Variants in CLEC16A observed in about 807,000 individuals in gnomAD.
The protein encoded by CLEC16A is C-type lectin domain containing 16A.
In CLEC16A, 51 loss-of-function variants were observed where a neutral mutation model predicts 109.5. The observed-to-expected ratio is 0.47, with a 90% confidence interval of 0.37 to 0.59. The LOEUF is 0.59. Ranked by LOEUF, CLEC16A falls within the 20% of genes least tolerant of loss-of-function variation. CLEC16A has a pLI of 0.00. For synonymous variants in CLEC16A, 673 were observed against 564.2 expected (o/e 1.19, Z -2.73); for missense variants, 1,339 against 1,394.0 (o/e 0.96, Z 0.63).
intron 3 of CLEC16A, among the ~76,000 whole-genome samples, chr16:10,964,185 C>T (rs567627809): frequency 2.0e-5 from 3 of 152,314 alleles, no homozygotes; most frequent in Admixed American, 6.5e-5. Flanking sequence ...TGATGGCTCT[C>T]GCAGCCGCCG....
intron 3 of CLEC16A, among the ~76,000 whole-genome samples, chr16:10,967,430 C>T (rs2146258451): frequency 6.6e-6 from 1 of 152,316 alleles, no homozygotes; most frequent in Non-Finnish European, 1.5e-5. Context: ...AGACAGGTCT[C>T]ACCCTGTCGC....
intron 19 of CLEC16A, among the ~76,000 whole-genome samples, chr16:11,114,626 C>G (rs989252494): frequency 3.3e-5 from 5 of 152,178 alleles, no homozygotes; most frequent in Non-Finnish European, 5.9e-5. Context: ...TTCAGCATTT[C>G]TCTCCTGGAT....
At chr16:11,105,846 C>T (rs2051187890) in intron 19 of CLEC16A, among the ~76,000 whole-genome samples, 1 of 152,210 alleles carries the variant, frequency 6.6e-6, no homozygotes, top group Admixed American at 6.5e-5. Context: ...ACAGATTTAT[C>T]CACCTCTATC....
chr16:11,079,355 T>G (rs1355609918), intron 19 of CLEC16A, among the ~76,000 whole-genome samples: 2 of 152,216 alleles, frequency 1.3e-5, no homozygotes, highest in African/African-American at 4.8e-5. Flanking sequence ...TCAGAAGTTG[T>G]TGGGGCTGAG....
At chr16:10,968,778 G>C (rs1254056139) in intron 3 of CLEC16A, among the ~76,000 whole-genome samples, 1 of 152,174 alleles carries the variant, frequency 6.6e-6, no homozygotes, top group African/African-American at 2.4e-5. Context: ...TGTGATTTGT[G>C]ATGGCAGAAG....
At chr16:11,164,381 A>G (rs2054830106) in intron 22 of CLEC16A, among the ~76,000 whole-genome samples, 1 of 152,228 alleles carries the variant, frequency 6.6e-6, no homozygotes, top group African/African-American at 2.4e-5. Context: ...AAACAGCTTC[A>G]CATGAACCTG....
chr16:10,952,451 G>A (rs536254825), intron 1 of CLEC16A, among the ~76,000 whole-genome samples: 2 of 152,314 alleles, frequency 1.3e-5, no homozygotes, highest in African/African-American at 2.4e-5. Context: ...CCAAGATCAC[G>A]CCACTGCACT....
intron 13 of CLEC16A, chr16:11,027,599 T>C: frequency 6.4e-7 from 1 of 1,558,994 alleles, no homozygotes; most frequent in African/African-American, 1.3e-5. Context: ...TTCATGAAAT[T>C]GCATTCCCAG....
intron 11 of CLEC16A, among the ~76,000 whole-genome samples, chr16:11,019,200 G>A (rs186516370): frequency 4.7e-4 from 72 of 152,282 alleles, no homozygotes; most frequent in African/African-American, 1.7e-3. Context: ...AAGGCTGACT[G>A]TTTGAAAGTC....
chr16:11,141,222 A>C (rs1389297918), intron 22 of CLEC16A, among the ~76,000 whole-genome samples: 1 of 152,254 alleles, frequency 6.6e-6, no homozygotes, highest in South Asian at 2.1e-4. Flanking sequence ...TATGGACAGC[A>C]CCAGGCAGGT....
intron 21 of CLEC16A, 73 bp from the exon 22 acceptor site, chr16:11,125,904 TCC>T (rs3214361): frequency 2.2e-5 from 4 of 182,890 alleles, no homozygotes; most frequent in South Asian, 9.3e-5. Flanking sequence ...CACTACGATG[TCC>T]CCCCCCCCAA....
intron 19 of CLEC16A, among the ~76,000 whole-genome samples, chr16:11,116,627 C>T (rs1322751079): frequency 1.3e-5 from 2 of 151,988 alleles, no homozygotes; most frequent in Admixed American, 6.6e-5. Context: ...TGGGGGTTAC[C>T]CGAGAAAGGA....
At chr16:11,119,902 GT>G (rs1214696767) in intron 19 of CLEC16A, among the ~76,000 whole-genome samples, 5 of 152,226 alleles carry the variant, frequency 3.3e-5, no homozygotes, top group Middle Eastern at 3.4e-3. Context: ...TTCTCCATTT[GT>G]TTGTGTCATC....
At chr16:11,064,433 A>C (rs887443372) in intron 19 of CLEC16A, among the ~76,000 whole-genome samples, 1 of 152,208 alleles carries the variant, frequency 6.6e-6, no homozygotes, top group Non-Finnish European at 1.5e-5. Context: ...TCATCTTTGT[A>C]ATCTTCCCCA....
At chr16:11,172,904 A>G (rs559771863) in intron 23 of CLEC16A, among the ~76,000 whole-genome samples, 25 of 152,200 alleles carry the variant, frequency 1.6e-4, no homozygotes, top group Admixed American at 1.4e-3. Context: ...AAACAAACAA[A>G]CAAAACCACA....
intron 10 of CLEC16A, among the ~76,000 whole-genome samples, chr16:10,987,315 T>C (rs1440042234): frequency 6.6e-6 from 1 of 152,222 alleles, no homozygotes; most frequent in African/African-American, 2.4e-5. Context: ...TTGACAGTGA[T>C]ACATAGGATT....
intron 16 of CLEC16A, among the ~76,000 whole-genome samples, chr16:11,044,737 C>T (rs1318803171): frequency 6.6e-6 from 1 of 151,848 alleles, no homozygotes; most frequent in East Asian, 1.9e-4. Context: ...TTAAGACCAG[C>T]CTGACCAACA....
chr16:10,957,905 AT>A lies in CLEC16A; in HGVS notation c.207del (p.Phe69LeufsTer14), dbSNP rs1335148439. 2 of 1,613,582 alleles carry A rather than the reference AT, an allele frequency of 1.2e-6. No homozygotes were observed. Among genetic ancestry groups the A allele is most frequent in the African/African-American group, 2.7e-5 (2 of 74,888 alleles). On this transcript the variant is annotated frameshift_variant, in exon 2 of 24. Transcript: ENST00000409790. LOFTEE classifies it high-confidence loss of function. ...GGGGAGATCAAAATGACAGCTCTGTATTTGAGTAAGGGTTTCTAATGATTGC... is the reference window on the plus strand; with the variant it reads ...GGGGAGATCAAAATGACAGCTCTGTATTGAGTAAGGGTTTCTAATGATTGC... ...IWGDQNDSSV[F>X]DFFLEKNMFV... is the part of the protein sequence containing the mutation.
At chr16:11,152,734 T>C (rs1426897068) in intron 22 of CLEC16A, among the ~76,000 whole-genome samples, 3 of 152,220 alleles carry the variant, frequency 2.0e-5, no homozygotes, top group Non-Finnish European at 4.4e-5. Flanking sequence ...ATAGAGCACC[T>C]GTCCTAATGA....
Sources: allele counts gnomAD v4.1 joint callset (sites outside exome capture counted in the v4.1 genomes callset), GRCh38; gene constraint gnomAD v4.1.1; transcripts MANE v1.5; gene names NCBI Gene and HGNC (gene_info 2026-07-23, HGNC 2026-07-21).